Variants in ZNF556 observed in about 807,000 individuals in gnomAD.
ZNF556 encodes zinc finger protein 556.
In ZNF556, 11 loss-of-function variants were observed where a neutral mutation model predicts 13.6. The observed-to-expected ratio is 0.81, with a 90% CI of 0.51 to 1.33. The LOEUF is 1.33. Among genes scored for constraint, ZNF556 ranks in the 40% most tolerant of loss-of-function variants. The probability of loss-of-function intolerance (pLI) is 0.00; values close to 1 mark genes in which losing one functional copy is unlikely to be tolerated. For synonymous variants in ZNF556, 229 were observed against 207.8 expected (o/e 1.10, Z -0.88); for missense variants, 633 against 566.2 (o/e 1.12, Z -1.20).
At chr19:2,867,456 G>A (rs765293153) in intron 1 of ZNF556, 32 bp downstream of exon 1, 17 of 1,576,850 alleles carry the variant, frequency 1.1e-5, no homozygotes, top group Admixed American at 3.8e-5. Context: ...AGCCGGAGCC[G>A]GAGCCCTGGG....
chr19:2,871,856 C>G (rs1271429665), intron 1 of ZNF556, among the ~76,000 whole-genome samples: 33 of 152,094 alleles, frequency 2.2e-4, no homozygotes, highest in Non-Finnish European at 1.2e-4. Context: ...TTATTGGATA[C>G]AAGACAAACG....
intron 1 of ZNF556, among the ~76,000 whole-genome samples, chr19:2,872,856 G>T (rs2087816569): frequency 6.6e-6 from 1 of 151,690 alleles, no homozygotes; most frequent in African/African-American, 2.4e-5. Context: ...TAAAAGGCCG[G>T]GTGTGGTGGC....
intron 3 of ZNF556, among the ~76,000 whole-genome samples, chr19:2,876,742 G>C (rs1344511631): frequency 6.6e-6 from 1 of 151,898 alleles, no homozygotes; most frequent in South Asian, 2.1e-4. Flanking sequence ...TGATAATTCT[G>C]TTAGAAACAA....
intron 1 of ZNF556, among the ~76,000 whole-genome samples, chr19:2,869,876 C>G (rs1256681274): frequency 6.6e-6 from 1 of 152,124 alleles, no homozygotes; most frequent in Non-Finnish European, 1.5e-5. Context: ...CTTACTGTGG[C>G]TGATGAGTTC....
At chr19:2,877,218 A>T (rs2087859560) in intron 3 of ZNF556, 55 bp from the exon 4 acceptor site, 2 of 1,456,886 alleles carry the variant, frequency 1.4e-6, no homozygotes, top group Non-Finnish European at 1.8e-6. Context: ...CTCAAGGAAA[A>T]AAAAAAAGAA....
intron 2 of ZNF556, 40 bp downstream of exon 2, chr19:2,873,662 T>C (rs779414933): frequency 1.3e-6 from 2 of 1,595,784 alleles, no homozygotes; most frequent in East Asian, 2.2e-5. Context: ...TATTAGATAA[T>C]AAATGTTTTG....
intron 1 of ZNF556, among the ~76,000 whole-genome samples, chr19:2,868,130 T>G (rs2087772880): frequency 6.6e-6 from 1 of 152,198 alleles, no homozygotes. Flanking sequence ...TTCTGTTCCT[T>G]TTTTGCCCGT....
rs573766122 is a variant in ZNF556, at chr19:2,879,834, T to G, written c.*1505T>G. The G allele has an allele frequency of 3.3e-5, 5 of 150,640 alleles. No individual in the cohort carries two copies. Among genetic ancestry groups the G allele is most frequent in the Admixed American group, 2.0e-4 (3 of 14,998 alleles). 9.3% of individuals were successfully genotyped at this position (150,640 alleles called of 1,614,324 possible). ...TCACGAGGTCAGGAAATCGAGACCA[T>G]CCTGGCTATCATGGTGAAACCCCGT... is the stretch of plus-strand genomic sequence containing the variant. On this transcript the variant is annotated 3_prime_UTR_variant, in exon 4 of 4. Transcript: ENST00000307635.
At position 2,873,585 on chromosome 19, in the gene ZNF556, T is replaced by C. The variant is rs1166012704; in HGVS notation, c.93T>C (p.Asp31=). Residue 31 remains aspartate (D), a synonymous_variant, in exon 2 of 4, where the codon GAT becomes GAC. Coordinates refer to ENST00000307635, the MANE Select transcript of ZNF556 (RefSeq NM_024967.3). ...LNPAQRKLYR[D]VMLETFKHLA... is the part of the protein sequence containing the mutation. The stretch of plus-strand genomic sequence containing the variant: ...CTGCTCAGAGAAAACTCTACAGAGA[T>C]GTCATGCTGGAGACCTTCAAGCACC... 6.2e-7 allele frequency: 1 copy of C among 1,614,002 alleles called. No individual in the cohort carries two copies. Among genetic ancestry groups the C allele is most frequent in the Non-Finnish European group, 8.5e-7 (1 of 1,179,974 alleles).
chr19:2,868,353 C>A (rs897395438), intron 1 of ZNF556, among the ~76,000 whole-genome samples: 5 of 152,154 alleles, frequency 3.3e-5, no homozygotes, highest in Non-Finnish European at 4.4e-5. Context: ...GCTAAAATAT[C>A]AGTTATTCTC....
rs2087872323 is a variant in ZNF556 at position 2,877,940 on chromosome 19, T to C, written c.982T>C (p.Ser328Pro). 6.2e-7 allele frequency: 1 copy of C among 1,614,188 alleles called. No homozygotes were observed. The highest frequency in any genetic ancestry group is 1.3e-5 in the African/African-American group (1 of 75,056). ...ATGCGGGAAAGCATTCGGTTGGCCC[T>C]CATCCTTACACAAACACGCGAGAAC... The part of the protein sequence containing the change: ...GKCGKAFGWP[S>P]SLHKHARTHA... The change falls in exon 4 of 4, where the codon TCA (serine) becomes CCA (proline). Residue 328 changes from serine (S) to proline (P), a missense_variant. By Grantham distance (74) the Ser-to-Pro change is moderately conservative. Transcript: ENST00000307635.
rs1278974156 is a variant in ZNF556, at chr19:2,877,308, G to A, written c.350G>A (p.Ser117Asn). The change falls in exon 4 of 4, where the codon AGT becomes AAT. Residue 117 changes from serine (S) to asparagine (N), a missense_variant. By Grantham distance (46) the Ser-to-Asn change is conservative. Transcript: ENST00000307635. ...NPRVERPCKS[S>N]KGNKRGRTFR... Reference sequence around the variant, plus strand: ...AGGGTGGAGAGACCATGTAAAAGCAGTAAAGGTAATAAACGTGGAAGAACC... The same window carrying A: ...AGGGTGGAGAGACCATGTAAAAGCAATAAAGGTAATAAACGTGGAAGAACC... The A allele has an allele frequency of 6.2e-7, 1 of 1,613,878 alleles. No homozygotes were observed. Among genetic ancestry groups the A allele is most frequent in the South Asian group, 1.1e-5 (1 of 91,070 alleles).
rs757820414 is a variant in ZNF556 at position 2,873,547 on chromosome 19, G to A, written c.55G>A (p.Ala19Thr). 5.0e-6 allele frequency: 8 copies of A among 1,614,040 alleles called. No homozygotes were observed. Among genetic ancestry groups the A allele is most frequent in the Non-Finnish European group, 5.9e-6 (7 of 1,180,022 alleles). The change falls in exon 2 of 4, where the codon GCC (alanine) becomes ACC (threonine). Residue 19 changes from alanine (A) to threonine (T), a missense_variant. Coordinates refer to ENST00000307635, the MANE Select transcript of ZNF556 (RefSeq NM_024967.3). The part of the protein sequence containing the change: ...VVVDFTLEEW[A>T]LLNPAQRKLY... ...TGTGGATTTCACGCTGGAGGAGTGG[G>A]CCTTGCTGAATCCTGCTCAGAGAAA... is the stretch of plus-strand genomic sequence containing the variant.
Position 2,867,344 on chromosome 19 carries a change from C to A in ZNF556, c.-78C>A. 2 of 1,551,018 alleles carry A rather than the reference C, an allele frequency of 1.3e-6. No homozygotes were observed. The highest frequency in any genetic ancestry group is 8.7e-7 in the Non-Finnish European group (1 of 1,145,038). On this transcript the variant is annotated 5_prime_UTR_variant, in exon 1 of 4. Coordinates refer to ENST00000307635, the MANE Select transcript of ZNF556 (RefSeq NM_024967.3). ...ACACCCGGCCTGCCCTGAGTGACCA[C>A]AGGTGTCCCCGTCGTGCTCACCTGC...
At chr19:2,877,122 A>G (rs2087858579) in intron 3 of ZNF556, 151 bp from the exon 4 acceptor site, 4 of 604,112 alleles carry the variant, frequency 6.6e-6, no homozygotes, top group South Asian at 2.3e-5. Context: ...CTGAGACAGA[A>G]TTGTTTGAAC....
At chr19:2,872,051 A>C in intron 1 of ZNF556, among the ~76,000 whole-genome samples, 1 of 152,162 alleles carries the variant, frequency 6.6e-6, no homozygotes. Context: ...CTAATTTGCT[A>C]CTGCTATCTA....
chr19:2,870,098 A>G (rs1174302990), intron 1 of ZNF556, among the ~76,000 whole-genome samples: 2 of 152,136 alleles, frequency 1.3e-5, no homozygotes, highest in African/African-American at 2.4e-5. Context: ...GCCATGATTA[A>G]TTTAAATTGG....
chr19:2,877,711 G>T lies in ZNF556; in HGVS notation c.753G>T (p.Met251Ile). The change falls in exon 4 of 4, where the codon ATG becomes ATT. Residue 251 changes from methionine (M) to isoleucine (I), a missense_variant. Transcript: ENST00000307635. ...SCPKSFRAHV[M>I]MHAGGRPYEC... is the part of the protein sequence containing the mutation. ...CCAAATCCTTTCGCGCACATGTGAT[G>T]ATGCACGCCGGAGGGAGACCGTATG... is the stretch of plus-strand genomic sequence containing the variant. The T allele has an allele frequency of 6.2e-7, 1 of 1,613,992 alleles. No homozygotes were observed. The highest frequency in any genetic ancestry group is 1.3e-5 in the African/African-American group (1 of 74,984).
chr19:2,871,468 T>C (rs2087802330), intron 1 of ZNF556, among the ~76,000 whole-genome samples: 1 of 152,154 alleles, frequency 6.6e-6, no homozygotes, highest in African/African-American at 2.4e-5. Flanking sequence ...ATAAATTCTC[T>C]ACATCCAGTG....
Sources: gnomAD v4.1 joint callset for allele counts (sites outside exome capture counted in the v4.1 genomes callset) on GRCh38, gnomAD v4.1.1 for gene constraint, MANE v1.5 for transcripts, NCBI Gene and HGNC (gene_info 2026-07-23, HGNC 2026-07-21) for gene names.